Variants in TRAF3 observed in about 807,000 individuals in gnomAD.
TRAF3 encodes the protein TNF receptor associated factor 3.
A neutral mutation model predicts 62.3 loss-of-function variants in TRAF3; 13 were observed. The ratio of observed to expected loss-of-function variants is 0.21; its 90% CI spans 0.14 to 0.33. The LOEUF is 0.33. Ranked by LOEUF, TRAF3 falls within the 10% of genes least tolerant of loss-of-function variation. The pLI is 1.00. For synonymous variants in TRAF3, 269 were observed against 283.4 expected (o/e 0.95, Z 0.51); for missense variants, 440 against 741.8 (o/e 0.59, Z 4.73).
intron 1 of TRAF3, among the ~76,000 whole-genome samples, chr14:102,790,613 T>G (rs1275830573): frequency 6.6e-6 from 1 of 152,158 alleles, no homozygotes; most frequent in African/African-American, 2.4e-5. Flanking sequence ...TCAGATCTTG[T>G]GAGACTTACT....
intron 1 of TRAF3, chr14:102,808,890 A>C (rs1272186612): frequency 4.0e-5 from 6 of 151,784 alleles, no homozygotes; most frequent in African/African-American, 1.5e-4. Flanking sequence ...ATCTCAGCTC[A>C]CTGCAGCCTC....
At chr14:102,787,647 A>C (rs1035380020) in intron 1 of TRAF3, among the ~76,000 whole-genome samples, 5 of 152,018 alleles carry the variant, frequency 3.3e-5, no homozygotes, top group African/African-American at 1.2e-4. Context: ...AGATGGCGCT[A>C]CTGCACTGCA....
At chr14:102,809,525 T>C (rs994676517) in intron 1 of TRAF3, among the ~76,000 whole-genome samples, 1 of 146,148 alleles carries the variant, frequency 6.8e-6, no homozygotes, top group Non-Finnish European at 1.5e-5. Context: ...TTTCACAGCA[T>C]AGACTTTTTT....
chr14:102,884,974 AGACTG>A (rs1889291227), intron 6 of TRAF3, among the ~76,000 whole-genome samples: 1 of 152,140 alleles, frequency 6.6e-6, no homozygotes, highest in Non-Finnish European at 1.5e-5. Flanking sequence ...CTGGGAGTGG[AGACTG>A]GTGTGGGCTT....
chr14:102,895,879 G>T (rs946776515), intron 9 of TRAF3, among the ~76,000 whole-genome samples: 1 of 152,320 alleles, frequency 6.6e-6, no homozygotes, highest in Non-Finnish European at 1.5e-5. Context: ...TTCCGTGGAA[G>T]GGTATCCTCA....
chr14:102,792,113 C>CTTTTTTTTTTTTTTTTTTTTTTTT lies in TRAF3; in HGVS notation c.-157+14442_-157+14465dup, dbSNP rs35895214. On this transcript the variant is annotated intron_variant, in intron 1 of 11. Coordinates refer to ENST00000392745, the MANE Select transcript of TRAF3 (RefSeq NM_145725.3). ...ACAGGTGCGAGCCACTGTGCCTGGA[C>CTTTTTTTTTTTTTTTTTTTTTTTT]TTTTTTTTTTTTTTTTTTTTTTTTT... Among the ~76,000 whole-genome samples the CTTTTTTTTTTTTTTTTTTTTTTTT allele has an allele frequency of 2.8e-4, 27 of 97,702 alleles. 12 individuals are homozygous for CTTTTTTTTTTTTTTTTTTTTTTTT. Among genetic ancestry groups the CTTTTTTTTTTTTTTTTTTTTTTTT allele is most frequent in the South Asian group, 6.5e-4 (2 of 3,056 alleles). The allele number at this position is 97,702 out of a possible 152,430, so 64.1% of individuals were successfully genotyped here.
Position 102,777,498 on chromosome 14 carries a change from C to T in TRAF3, c.-334C>T, listed in dbSNP as rs1031502468. On this transcript the variant is annotated 5_prime_UTR_variant, in exon 1 of 12. Transcript: ENST00000392745. ...GAGCGAGGGAGCGCGGCGCGGCCGC[C>T]GCGTGCGCGAGCCGGGGTTGCAGCC... 1.4e-5 allele frequency: 2 copies of T among 143,370 alleles called. No homozygotes were observed. The highest frequency in any genetic ancestry group is 2.5e-5 in the African/African-American group (1 of 39,808). The allele number at this position is 143,370 out of a possible 1,614,324, so 8.9% of individuals were successfully genotyped here.
intron 2 of TRAF3, among the ~76,000 whole-genome samples, chr14:102,846,666 A>T (rs1180218052): frequency 3.4e-5 from 5 of 147,804 alleles, no homozygotes; most frequent in East Asian, 2.0e-4. Flanking sequence ...AAAAAAAAAA[A>T]TTTTCCGGAC....
chr14:102,845,980 C>CAAAAA (rs35353834), intron 2 of TRAF3, among the ~76,000 whole-genome samples: 5 of 56,884 alleles, frequency 8.8e-5, no homozygotes, highest in Non-Finnish European at 1.8e-4. Context: ...GACCGTGTCT[C>CAAAAA]AAAAAAAAAA....
rs915707372 is a variant in TRAF3 at position 102,910,236 on chromosome 14, A to G, written c.*4452A>G. 3 of 152,248 alleles carry G rather than the reference A, an allele frequency of 2.0e-5. No individual in the cohort carries two copies. The highest frequency in any genetic ancestry group is 7.2e-5 in the African/African-American group (3 of 41,474). The allele number at this position is 152,248 out of a possible 1,614,324, so 9.4% of individuals were successfully genotyped here. On this transcript the variant is annotated 3_prime_UTR_variant, in exon 12 of 12. Transcript: ENST00000392745. Reference sequence around the variant, plus strand: ...ATTTGTGTGTCAGAAGGGCTCTGGCAGAGCTGTAAAATACTGTTTTTTAAA... The same window carrying G: ...ATTTGTGTGTCAGAAGGGCTCTGGCGGAGCTGTAAAATACTGTTTTTTAAA...
At chr14:102,778,110 G>C (rs986136255) in intron 1 of TRAF3, among the ~76,000 whole-genome samples, 11 of 150,666 alleles carry the variant, frequency 7.3e-5, no homozygotes, top group Admixed American at 1.3e-4. Flanking sequence ...GGGCCGGCCG[G>C]GGGGGCCCGG....
At chr14:102,881,416 A>G in intron 6 of TRAF3, among the ~76,000 whole-genome samples, 1 of 152,188 alleles carries the variant, frequency 6.6e-6, no homozygotes, top group East Asian at 1.9e-4. Flanking sequence ...AAAAAGAAAA[A>G]AAGGAAGGAG....
intron 2 of TRAF3, among the ~76,000 whole-genome samples, chr14:102,864,850 T>C (rs1057019281): frequency 6.6e-6 from 1 of 152,214 alleles, no homozygotes; most frequent in African/African-American, 2.4e-5. Context: ...TGGCTTCTCC[T>C]GCATGACTGC....
In TRAF3 at chr14:102,908,304, G is replaced by C. The variant is rs775889965; in HGVS notation, c.*2520G>C. ...GGCCTATGTCACACACTTTGTCCTTGAACCTGAGTGATGGGGGTCCTTGAG... is the reference window on the plus strand; with the variant it reads ...GGCCTATGTCACACACTTTGTCCTTCAACCTGAGTGATGGGGGTCCTTGAG... On this transcript the variant is annotated 3_prime_UTR_variant, in exon 12 of 12. Transcript: ENST00000392745. 24 of 152,460 alleles carry C rather than the reference G, an allele frequency of 1.6e-4. No homozygotes were observed. The highest frequency in any genetic ancestry group is 2.9e-4 in the Non-Finnish European group (20 of 68,236). The allele number at this position is 152,460 out of a possible 1,614,324, so 9.4% of individuals were successfully genotyped here. A position where few individuals can be genotyped will look rare whatever the true frequency, so the allele number is the denominator to read the frequency against.
At chr14:102,882,841 TTTTATTATTACTTTTTAAATTTA>T (rs1356512384) in intron 6 of TRAF3, among the ~76,000 whole-genome samples, 1 of 152,164 alleles carries the variant, frequency 6.6e-6, no homozygotes, top group Non-Finnish European at 1.5e-5. Context: ...TATTTTCAGG[TTTTATTATTACTTTTTAAATTTA>T]TAGGTTAGCA....
At chr14:102,872,693 C>G (rs1044650526) in intron 4 of TRAF3, among the ~76,000 whole-genome samples, 6 of 117,198 alleles carry the variant, frequency 5.1e-5, no homozygotes, top group African/African-American at 1.2e-4. Context: ...TTTCTTTCTT[C>G]TTTTTCTTTT....
chr14:102,825,401 G>C (rs1369202344), intron 1 of TRAF3, among the ~76,000 whole-genome samples: 1 of 152,228 alleles, frequency 6.6e-6, no homozygotes, highest in Non-Finnish European at 1.5e-5. Flanking sequence ...AGGGTCCTGT[G>C]GTGTGCTCCT....
At chr14:102,808,940 C>G (rs965327155) in intron 1 of TRAF3, 42 of 152,016 alleles carry the variant, frequency 2.8e-4, no homozygotes, top group Admixed American at 9.2e-4. Flanking sequence ...CTCAGCCTCC[C>G]GAGCAGCTGG....
chr14:102,794,513 G>C (rs1183361841), intron 1 of TRAF3, among the ~76,000 whole-genome samples: 1 of 152,228 alleles, frequency 6.6e-6, no homozygotes, highest in African/African-American at 2.4e-5. Flanking sequence ...GCCTGGGCTT[G>C]GATATCAGTG....
Sources: allele counts gnomAD v4.1 joint callset (sites outside exome capture counted in the v4.1 genomes callset), GRCh38; gene constraint gnomAD v4.1.1; transcripts MANE v1.5; gene names NCBI Gene and HGNC (gene_info 2026-07-23, HGNC 2026-07-21).